The following PPA2 variants were observed in gnomAD, a reference collection of about 807,000 sequenced individuals.
PPA2 encodes the protein inorganic pyrophosphatase 2, mitochondrial.
In PPA2, 48 loss-of-function variants were observed where a neutral mutation model predicts 49.5. That is an observed-to-expected ratio of 0.97 (90% CI 0.77 to 1.23). PPA2 has a LOEUF of 1.23. Ranked by LOEUF, PPA2 falls within the 50% of genes most tolerant of loss-of-function variation. The pLI is 0.00. For missense variants in PPA2, 429 were observed against 410.1 expected, an observed-to-expected ratio of 1.05 and a Z score of -0.40; for synonymous variants, 131 against 139.9, an observed-to-expected ratio of 0.94 and a Z score of 0.45.
intron 4 of PPA2, chr4:105,447,973 T>C (rs146932766): frequency 0.014 from 3,561 of 248,108 alleles, 50 homozygotes; most frequent in Non-Finnish European, 0.02. Flanking sequence ...CTCAAACTCC[T>C]GGCCTCAAGT....
At chr4:105,425,678 G>A (rs1280293262) in intron 6 of PPA2, among the ~76,000 whole-genome samples, 1 of 150,086 alleles carries the variant, frequency 6.7e-6, no homozygotes, top group Non-Finnish European at 1.5e-5. Flanking sequence ...TTCCAAATTT[G>A]ATGAAAAGTA....
chr4:105,444,933 T>A (rs144642975), intron 5 of PPA2, among the ~76,000 whole-genome samples: 8 of 152,262 alleles, frequency 5.3e-5, no homozygotes, highest in African/African-American at 1.9e-4. Flanking sequence ...GAAGTAGATA[T>A]TTTATGTTCT....
chr4:105,402,838 G>T (rs1300419350), intron 7 of PPA2, among the ~76,000 whole-genome samples: 1 of 152,094 alleles, frequency 6.6e-6, no homozygotes, highest in Non-Finnish European at 1.5e-5. Context: ...TTGTATGGAG[G>T]TAGTGATAAA....
At chr4:105,381,495 T>C (rs907010373) in intron 10 of PPA2, among the ~76,000 whole-genome samples, 1 of 152,040 alleles carries the variant, frequency 6.6e-6, no homozygotes, top group Non-Finnish European at 1.5e-5. Flanking sequence ...ATGAAAAAAA[T>C]AGACTGACTT....
At chr4:105,388,798 T>G (rs910099333) in intron 9 of PPA2, among the ~76,000 whole-genome samples, 1 of 136,412 alleles carries the variant, frequency 7.3e-6, no homozygotes, top group African/African-American at 2.8e-5. Context: ...GCACTCCAGC[T>G]TGGGTGACAG....
intron 10 of PPA2, among the ~76,000 whole-genome samples, chr4:105,377,337 C>T (rs1733297669): frequency 6.6e-6 from 1 of 152,068 alleles, no homozygotes; most frequent in African/African-American, 2.4e-5. Flanking sequence ...TATTGAATAC[C>T]TTATCTGCTG....
chr4:105,386,613 C>T lies in PPA2; in HGVS notation c.893G>A (p.Ser298Asn). The change falls in exon 10 of 12, where the codon AGC becomes AAC. Residue 298 changes from serine to asparagine, a missense_variant. Transcript: ENST00000341695. ...TTCCTCTTGAGTGCAACGGAAAGGG[C>T]TATCAGATATCTGCACGTTTGTGCT... Reference protein sequence around the residue: ...INCTNVQISDSPFRCTQEEAR... With the variant: ...INCTNVQISDNPFRCTQEEAR... 6.2e-7 allele frequency: 1 copy of T among 1,612,496 alleles called. No homozygotes were observed. Among genetic ancestry groups the T allele is most frequent in the Non-Finnish European group, 8.5e-7 (1 of 1,178,934 alleles).
chr4:105,444,251 G>A (rs1251037121), intron 5 of PPA2, among the ~76,000 whole-genome samples: 2 of 152,168 alleles, frequency 1.3e-5, no homozygotes, highest in Non-Finnish European at 2.9e-5. Context: ...GTGGATAGAC[G>A]TGAGAAAGGG....
intron 10 of PPA2, among the ~76,000 whole-genome samples, chr4:105,382,119 TTTTAAA>T (rs1733513788): frequency 6.6e-6 from 1 of 152,008 alleles, no homozygotes; most frequent in African/African-American, 2.4e-5. Flanking sequence ...AATATTTTAG[TTTTAAA>T]TATAAATTAT....
At chr4:105,413,123 C>T (rs926594878) in intron 7 of PPA2, among the ~76,000 whole-genome samples, 1 of 152,158 alleles carries the variant, frequency 6.6e-6, no homozygotes, top group Non-Finnish European at 1.5e-5. Context: ...AAATGTGGCA[C>T]ATATACACCA....
At chr4:105,412,299 A>G (rs901038746) in intron 7 of PPA2, among the ~76,000 whole-genome samples, 1 of 152,146 alleles carries the variant, frequency 6.6e-6, no homozygotes, top group Non-Finnish European at 1.5e-5. Flanking sequence ...CACATCTACA[A>G]CCATCTGATC....
At chr4:105,435,676 C>T (rs966999807) in intron 6 of PPA2, among the ~76,000 whole-genome samples, 1 of 152,078 alleles carries the variant, frequency 6.6e-6, no homozygotes, top group Non-Finnish European at 1.5e-5. Context: ...AAATGGGATT[C>T]ACCACATAAA....
At chr4:105,435,218 A>T (rs1723993378) in intron 6 of PPA2, among the ~76,000 whole-genome samples, 1 of 152,178 alleles carries the variant, frequency 6.6e-6, no homozygotes, top group African/African-American at 2.4e-5. Context: ...AAAGGAGCAT[A>T]CCCCTAACCG....
intron 1 of PPA2, among the ~76,000 whole-genome samples, chr4:105,462,942 T>C (rs1179414100): frequency 1.3e-5 from 2 of 152,230 alleles, no homozygotes; most frequent in Non-Finnish European, 2.9e-5. Context: ...GTTTCATTTG[T>C]AAATTCCACA....
At position 105,449,469 on chromosome 4, in the gene PPA2, C is replaced by G. The variant is rs563761817; in HGVS notation, c.268-66G>C. 17 of 1,002,206 alleles carry G rather than the reference C, an allele frequency of 1.7e-5. No individual in the cohort carries two copies. In the African/African-American group the frequency reaches 2.3e-4, roughly 14 times the overall value. 62.1% of individuals were successfully genotyped at this position (1,002,206 alleles called of 1,614,324 possible). A position where few individuals can be genotyped will look rare whatever the true frequency, so the allele number is the denominator to read the frequency against. Reference sequence around the variant, plus strand: ...TTACCTTTTATTTTTTCCGTTACCTCCCTTATAAGAATACCTTAGATGTTT... The same window carrying G: ...TTACCTTTTATTTTTTCCGTTACCTGCCTTATAAGAATACCTTAGATGTTT... On this transcript the variant is annotated intron_variant, in intron 3 of 11. Coordinates refer to ENST00000341695, the MANE Select transcript of PPA2 (RefSeq NM_176869.3).
intron 7 of PPA2, among the ~76,000 whole-genome samples, chr4:105,423,621 T>C (rs1358739284): frequency 6.6e-6 from 1 of 152,200 alleles, no homozygotes; most frequent in Non-Finnish European, 1.5e-5. Context: ...GAACTTAAAC[T>C]GAAGTCTGTC....
At chr4:105,406,181 C>T (rs550622665) in intron 7 of PPA2, among the ~76,000 whole-genome samples, 15 of 138,128 alleles carry the variant, frequency 1.1e-4, no homozygotes, top group African/African-American at 3.2e-4. Flanking sequence ...AACAGCAGAA[C>T]GTGGATATGG....
chr4:105,446,988 C>T (rs1722414980), intron 4 of PPA2, among the ~76,000 whole-genome samples: 2 of 152,014 alleles, frequency 1.3e-5, no homozygotes, highest in East Asian at 3.9e-4. Context: ...ACATCCTAGC[C>T]AGAGCAATTA....
At chr4:105,422,324 T>C (rs1313028251) in intron 7 of PPA2, among the ~76,000 whole-genome samples, 4 of 152,198 alleles carry the variant, frequency 2.6e-5, no homozygotes, top group Admixed American at 1.3e-4. Flanking sequence ...TTCAATAATT[T>C]CTTCTCAACC....
Sources: gnomAD v4.1 joint callset for allele counts (sites outside exome capture counted in the v4.1 genomes callset) on GRCh38, gnomAD v4.1.1 for gene constraint, MANE v1.5 for transcripts, NCBI Gene and HGNC (gene_info 2026-07-23, HGNC 2026-07-21) for gene names.